The following SLC16A7 variants were observed in gnomAD, a reference collection of about 807,000 sequenced individuals.
SLC16A7 encodes solute carrier family 16 member 7, also known as monocarboxylate transporter 2.
A neutral mutation model predicts 34.9 loss-of-function variants in SLC16A7; 33 were observed. The ratio of observed to expected loss-of-function variants is 0.94; its 90% CI spans 0.72 to 1.26. The LOEUF (loss-of-function observed/expected upper bound fraction) is 1.26, where lower values mean the gene tolerates loss of function less well. Ranked by LOEUF, SLC16A7 falls within the 50% of genes most tolerant of loss-of-function variation. SLC16A7 has a pLI of 0.00. For synonymous variants in SLC16A7, 201 were observed against 206.6 expected (o/e 0.97, Z 0.23); for missense variants, 573 against 578.1 (o/e 0.99, Z 0.09).
At chr12:59,735,191 G>A (rs2711669) in intron 3 of SLC16A7, among the ~76,000 whole-genome samples, 18,672 of 152,070 alleles carry the variant, frequency 0.12, 1,500 homozygotes, top group African/African-American at 0.22. Context: ...CTTCTACCTC[G>A]AAGACATAGT....
intron 3 of SLC16A7, chr12:59,768,004 A>C (rs757381425): frequency 6.9e-5 from 24 of 346,854 alleles, no homozygotes; most frequent in Non-Finnish European, 1.3e-4. Context: ...ATGAGGAGTT[A>C]ATGGATGCAG....
At chr12:59,729,703 T>C (rs1258355653) in intron 3 of SLC16A7, among the ~76,000 whole-genome samples, 3 of 152,142 alleles carry the variant, frequency 2.0e-5, no homozygotes, top group African/African-American at 7.2e-5. Context: ...GTAAACATAA[T>C]AGTTTCATTA....
At chr12:59,683,036 A>T (rs1018568513) in intron 2 of SLC16A7, among the ~76,000 whole-genome samples, 2 of 152,040 alleles carry the variant, frequency 1.3e-5, no homozygotes, top group African/African-American at 4.8e-5. Flanking sequence ...ATTGCACTCT[A>T]GCCTGGGCAA....
chr12:59,624,234 T>C (rs1879823847), intron 1 of SLC16A7, among the ~76,000 whole-genome samples: 1 of 151,736 alleles, frequency 6.6e-6, no homozygotes. Flanking sequence ...CATATCTCTT[T>C]TTTTGAGATA....
intron 2 of SLC16A7, among the ~76,000 whole-genome samples, chr12:59,683,206 G>GCA (rs1870885713): frequency 6.6e-6 from 1 of 152,194 alleles, no homozygotes; most frequent in South Asian, 2.1e-4. Context: ...GGTGTCTTCT[G>GCA]ATAGAGTGTT....
chr12:59,625,813 A>G (rs958839424), intron 1 of SLC16A7, among the ~76,000 whole-genome samples: 5 of 151,842 alleles, frequency 3.3e-5, no homozygotes, highest in African/African-American at 1.2e-4. Flanking sequence ...GAGGGAAAGG[A>G]AGACAATAGC....
At chr12:59,599,136 G>A (rs1241454709) in intron 1 of SLC16A7, among the ~76,000 whole-genome samples, 2 of 152,136 alleles carry the variant, frequency 1.3e-5, no homozygotes, top group Non-Finnish European at 2.9e-5. Flanking sequence ...TTTCTCCATA[G>A]CCCAGTACAG....
intron 3 of SLC16A7, among the ~76,000 whole-genome samples, chr12:59,748,750 C>T (rs1879174337): frequency 6.6e-6 from 1 of 152,150 alleles, no homozygotes; most frequent in African/African-American, 2.4e-5. Context: ...TTTTTGCAAA[C>T]TACCTTTTTA....
intron 2 of SLC16A7, among the ~76,000 whole-genome samples, chr12:59,697,391 G>A (rs547276278): frequency 3.4e-4 from 52 of 152,130 alleles, no homozygotes; most frequent in South Asian, 1.7e-3. Context: ...ATGTGCACAC[G>A]CACGTGGGTG....
At chr12:59,736,485 C>G (rs753010478) in intron 3 of SLC16A7, among the ~76,000 whole-genome samples, 1 of 152,178 alleles carries the variant, frequency 6.6e-6, no homozygotes, top group Non-Finnish European at 1.5e-5. Context: ...CTAATTTTCA[C>G]TTTGGTCAGG....
At chr12:59,623,090 G>A (rs907414844) in intron 1 of SLC16A7, among the ~76,000 whole-genome samples, 1 of 137,664 alleles carries the variant, frequency 7.3e-6, no homozygotes, top group Non-Finnish European at 1.6e-5. Context: ...GTGTGTGTGT[G>A]TGTCTGTATG....
At chr12:59,689,974 C>T (rs995467967) in intron 2 of SLC16A7, among the ~76,000 whole-genome samples, 11 of 152,048 alleles carry the variant, frequency 7.2e-5, no homozygotes, top group Middle Eastern at 3.4e-3. Flanking sequence ...ATGATGCTTC[C>T]AACCCCATAA....
At chr12:59,598,599 ATGTC>A (rs1445653448) in intron 1 of SLC16A7, among the ~76,000 whole-genome samples, 1 of 152,222 alleles carries the variant, frequency 6.6e-6, no homozygotes, top group East Asian at 1.9e-4. Flanking sequence ...TTTGAGAAGA[ATGTC>A]TTTTCTCAGG....
At chr12:59,702,163 G>A (rs1197282822) in intron 2 of SLC16A7, among the ~76,000 whole-genome samples, 2 of 151,640 alleles carry the variant, frequency 1.3e-5, no homozygotes, top group African/African-American at 2.4e-5. Context: ...AGATTCTTTA[G>A]ACAACTTTCA....
intron 3 of SLC16A7, among the ~76,000 whole-genome samples, chr12:59,734,348 C>G (rs1200647294): frequency 2.0e-5 from 3 of 152,324 alleles, no homozygotes; most frequent in East Asian, 3.9e-4. Context: ...ACAACAGCAC[C>G]CAGGCTCGGC....
intron 3 of SLC16A7, among the ~76,000 whole-genome samples, chr12:59,721,541 A>G (rs1184411196): frequency 6.6e-6 from 1 of 151,972 alleles, no homozygotes; most frequent in East Asian, 1.9e-4. Context: ...AACAAAACAA[A>G]TGGAAAATGT....
At chr12:59,747,513 A>G (rs1423182104) in intron 3 of SLC16A7, among the ~76,000 whole-genome samples, 1 of 152,210 alleles carries the variant, frequency 6.6e-6, no homozygotes, top group Non-Finnish European at 1.5e-5. Context: ...CCCACCACAT[A>G]TCTAGAACTT....
At chr12:59,614,158 C>T (rs568142102) in intron 1 of SLC16A7, among the ~76,000 whole-genome samples, 2 of 150,966 alleles carry the variant, frequency 1.3e-5, no homozygotes, top group East Asian at 2.0e-4. Context: ...TCAAGCTATT[C>T]GTGTGCCTCA....
At chr12:59,671,767 A>G (rs903036756) in intron 2 of SLC16A7, among the ~76,000 whole-genome samples, 15 of 143,628 alleles carry the variant, frequency 1.0e-4, no homozygotes, top group African/African-American at 3.8e-4. Context: ...GTATATGTAT[A>G]TATGTGTATA....
Sources: gnomAD v4.1 joint callset for allele counts (sites outside exome capture counted in the v4.1 genomes callset) on GRCh38, gnomAD v4.1.1 for gene constraint, MANE v1.5 for transcripts, NCBI Gene and HGNC (gene_info 2026-07-23, HGNC 2026-07-21) for gene names.